The following UGGT2 variants were observed in gnomAD, a reference collection of about 807,000 sequenced individuals.
UGGT2 encodes the protein UDP-glucose:glycoprotein glucosyltransferase 2.
In UGGT2, 180 loss-of-function variants were observed where a neutral mutation model predicts 192.1. The observed-to-expected ratio is 0.94, with a 90% CI of 0.83 to 1.06. The LOEUF (loss-of-function observed/expected upper bound fraction) is 1.06. Among genes scored for constraint, UGGT2 ranks in the 50% least tolerant of loss-of-function variants. The pLI is 0.00. For synonymous variants in UGGT2, 580 were observed against 591.0 expected (o/e 0.98, Z 0.27); for missense variants, 1,849 against 1,795.7 (o/e 1.03, Z -0.54).
intron 15 of UGGT2, among the ~76,000 whole-genome samples, chr13:95,945,224 C>A (rs2049824722): frequency 6.6e-6 from 1 of 151,948 alleles, no homozygotes; most frequent in Non-Finnish European, 1.5e-5. Flanking sequence ...GTCTTATATT[C>A]TTCTCTCTTT....
In UGGT2 at chr13:95,863,683, T is replaced by C. The variant is rs149785094; in HGVS notation, c.3590A>G (p.Asp1197Gly). Residue 1197 changes from aspartate (D) to glycine (G), a missense_variant, in exon 31 of 39, where the codon GAT becomes GGT. Asp to Gly is a moderately conservative substitution (Grantham distance 94, BLOSUM62 -1). Coordinates refer to ENST00000376747, the MANE Select transcript of UGGT2 (RefSeq NM_020121.4). The part of the protein sequence containing the change: ...VKKETDKIKE[D>G]ILTDEDEKTK... ...TTTTTCATCTTCATCGGTAAGGATATCTTCCTTAATTTTGTCTGTTTCTTT... is the reference window on the plus strand; with the variant it reads ...TTTTTCATCTTCATCGGTAAGGATACCTTCCTTAATTTTGTCTGTTTCTTT... 4 of 1,612,806 alleles carry C rather than the reference T, an allele frequency of 2.5e-6. No individual in the cohort carries two copies. The highest frequency in any genetic ancestry group is 2.5e-6 in the Non-Finnish European group (3 of 1,179,148).
chr13:95,911,672 A>T (rs1460708174), intron 20 of UGGT2, among the ~76,000 whole-genome samples: 1 of 152,120 alleles, frequency 6.6e-6, no homozygotes, highest in Non-Finnish European at 1.5e-5. Context: ...AGGAGCTGGT[A>T]CCATTCCCTC....
intron 10 of UGGT2, among the ~76,000 whole-genome samples, chr13:95,974,592 G>C (rs948159355): frequency 6.6e-6 from 1 of 152,168 alleles, no homozygotes; most frequent in African/African-American, 2.4e-5. Context: ...GCCTATCAGA[G>C]ATAAGTAATT....
chr13:96,014,532 ACT>A (rs1330653199), intron 4 of UGGT2, among the ~76,000 whole-genome samples: 1 of 152,176 alleles, frequency 6.6e-6, no homozygotes, highest in East Asian at 1.9e-4. Flanking sequence ...TTGTGCCATT[ACT>A]CAACAGCAAT....
intron 10 of UGGT2, chr13:95,983,600 GA>G: frequency 1.6e-6 from 1 of 637,068 alleles, no homozygotes; most frequent in Non-Finnish European, 3.0e-6. Context: ...AATATACTGT[GA>G]AATAAGTAGA....
chr13:96,039,477 G>C (rs939429026), intron 1 of UGGT2, among the ~76,000 whole-genome samples: 4 of 152,086 alleles, frequency 2.6e-5, no homozygotes, highest in African/African-American at 9.7e-5. Context: ...TGAATCACAT[G>C]CTTAACCTGT....
chr13:95,859,395 T>C (rs1483630377), intron 33 of UGGT2, among the ~76,000 whole-genome samples, 196 bp downstream of exon 33: 2 of 152,162 alleles, frequency 1.3e-5, no homozygotes, highest in Non-Finnish European at 2.9e-5. Context: ...CTTAAAAATA[T>C]ACAGTCTTCT....
At chr13:95,873,108 T>C (rs1385026415) in intron 29 of UGGT2, among the ~76,000 whole-genome samples, 2 of 152,206 alleles carry the variant, frequency 1.3e-5, no homozygotes, top group Admixed American at 1.3e-4. Context: ...CAAAACATAA[T>C]GATGAAACGG....
chr13:96,046,322 A>G (rs1465841697), intron 1 of UGGT2, among the ~76,000 whole-genome samples: 2 of 152,236 alleles, frequency 1.3e-5, no homozygotes, highest in African/African-American at 4.8e-5. Flanking sequence ...CTCGCGTTAT[A>G]CAAAAATCAA....
At chr13:96,042,042 C>T (rs1446232653) in intron 1 of UGGT2, among the ~76,000 whole-genome samples, 1 of 152,142 alleles carries the variant, frequency 6.6e-6, no homozygotes, top group Admixed American at 6.5e-5. Flanking sequence ...ATTGAAAAGG[C>T]CACCTCCCTG....
chr13:95,964,685 C>A (rs2050510629), intron 12 of UGGT2, among the ~76,000 whole-genome samples: 1 of 151,980 alleles, frequency 6.6e-6, no homozygotes, highest in African/African-American at 2.4e-5. Context: ...TAGGCATGGG[C>A]AAGGACTTCA....
intron 27 of UGGT2, among the ~76,000 whole-genome samples, chr13:95,881,110 C>T (rs2140179948): frequency 6.6e-6 from 1 of 152,206 alleles, no homozygotes; most frequent in East Asian, 1.9e-4. Context: ...GGAGGCTGAG[C>T]TTGCAGTGAG....
chr13:95,962,225 C>G (rs1261386059), intron 12 of UGGT2, among the ~76,000 whole-genome samples: 1 of 151,854 alleles, frequency 6.6e-6, no homozygotes, highest in African/African-American at 2.4e-5. Context: ...TAAATAAGAT[C>G]AGAGCAGAAC....
At chr13:96,047,485 A>T (rs2053350820) in intron 1 of UGGT2, among the ~76,000 whole-genome samples, 1 of 152,234 alleles carries the variant, frequency 6.6e-6, no homozygotes, top group South Asian at 2.1e-4. Context: ...CCATCATCAA[A>T]GACCAAAGGT....
In UGGT2 at chr13:95,970,185, CTCA is replaced by C; in HGVS notation, c.1259_1261del (p.Met420del). 1.2e-6 allele frequency: 2 copies of C among 1,612,422 alleles called. No homozygotes were observed. Among genetic ancestry groups the C allele is most frequent in the Non-Finnish European group, 1.7e-6 (2 of 1,178,776 alleles). On this transcript the variant is annotated inframe_deletion, in exon 12 of 39. Coordinates refer to ENST00000376747, the MANE Select transcript of UGGT2 (RefSeq NM_020121.4). ...GTGTGAATTTAATTTTAAAAATTTGCTCATATCTTCCCCATTGATCCCAAGATT... is the reference window on the plus strand; with the variant it reads ...GTGTGAATTTAATTTTAAAAATTTGCTATCTTCCCCATTGATCCCAAGATT...
At chr13:95,816,779 T>C (rs911684254) in intron 38 of UGGT2, among the ~76,000 whole-genome samples, 1 of 152,110 alleles carries the variant, frequency 6.6e-6, no homozygotes, top group African/African-American at 2.4e-5. Context: ...GTAAGGAAAA[T>C]GTTCTACATC....
chr13:96,044,307 C>T (rs2053245593), intron 1 of UGGT2, among the ~76,000 whole-genome samples: 1 of 152,116 alleles, frequency 6.6e-6, no homozygotes, highest in Admixed American at 6.5e-5. Flanking sequence ...TGTTTTTGAA[C>T]CGAACAACAA....
intron 4 of UGGT2, among the ~76,000 whole-genome samples, chr13:96,015,857 A>T (rs1001355481): frequency 6.6e-6 from 1 of 152,206 alleles, no homozygotes; most frequent in Non-Finnish European, 1.5e-5. Flanking sequence ...TATACACCGC[A>T]AGGAGTGGAA....
In UGGT2 at chr13:95,857,756, A is replaced by T. The variant is rs191711818; in HGVS notation, c.3826-1416T>A. 2.5e-3 allele frequency among the ~76,000 whole-genome samples: 375 copies of T among 152,304 alleles called. 2 individuals are homozygous for T. The highest frequency in any genetic ancestry group is 8.7e-3 in the African/African-American group (361 of 41,588). Reference sequence around the variant, plus strand: ...GAAACACATCACAAAAAGAAGGAAAATACTACTTCAGATACAGTATTTCTT... The same window carrying T: ...GAAACACATCACAAAAAGAAGGAAATTACTACTTCAGATACAGTATTTCTT... On this transcript the variant is annotated intron_variant, in intron 33 of 38. Coordinates refer to ENST00000376747, the MANE Select transcript of UGGT2 (RefSeq NM_020121.4).
Sources: gnomAD v4.1 joint callset for allele counts (sites outside exome capture counted in the v4.1 genomes callset) on GRCh38, gnomAD v4.1.1 for gene constraint, MANE v1.5 for transcripts, NCBI Gene and HGNC (gene_info 2026-07-23, HGNC 2026-07-21) for gene names.